ERCC2: variants seen among roughly 807,000 people sequenced by gnomAD.
The protein encoded by ERCC2 is ERCC excision repair 2, TFIIH core complex helicase subunit, also known as general transcription and DNA repair factor IIH helicase subunit XPD.
ERCC2 carries 90 observed loss-of-function variants against 99.4 expected under a neutral mutation model. That is an observed-to-expected ratio of 0.91 (90% CI 0.76 to 1.08). The LOEUF (loss-of-function observed/expected upper bound fraction) is 1.08, where lower values mean the gene tolerates loss of function less well. Ranked by LOEUF, ERCC2 falls within the 50% of genes least tolerant of loss-of-function variation. The probability of loss-of-function intolerance (pLI) is 0.00; values close to 1 mark genes in which losing one functional copy is unlikely to be tolerated. For missense variants in ERCC2, 993 were observed against 1,038.1 expected (o/e 0.96, Z 0.60); for synonymous variants, 497 against 432.4 (o/e 1.15, Z -1.85).
rs529636841 is a variant in ERCC2 at position 45,354,611 on chromosome 19, ACT to A, written c.1665+117_1665+118del. 1.2e-4 allele frequency: 154 copies of A among 1,337,616 alleles called. 1 individual carries two copies. In the South Asian group the frequency reaches 1.7e-3, roughly 15 times the overall value. The allele number at this position is 1,337,616 out of a possible 1,614,324, so 82.9% of individuals were successfully genotyped here. On this transcript the variant is annotated intron_variant, in intron 17 of 22. Coordinates refer to ENST00000391945, the MANE Select transcript of ERCC2 (RefSeq NM_000400.4). ...CACCCCATTCCTACATGCTGCACAC[ACT>A]CTCCTGTCACACAGGAAACCTGTCA...
At chr19:45,358,702 C>A in intron 12 of ERCC2, 2 of 678,168 alleles carry the variant, frequency 2.9e-6, no homozygotes, top group East Asian at 5.5e-5. Flanking sequence ...TCAGCCCCTC[C>A]GAGAGGCCCT....
chr19:45,352,316 G>T lies in ERCC2; in HGVS notation c.2083C>A (p.Arg695Ser), dbSNP rs201392911. The T allele has an allele frequency of 4.3e-6, 7 of 1,613,970 alleles. No individual in the cohort carries two copies. In the African/African-American group the frequency reaches 6.7e-5, roughly 15 times the overall value. ...TCTGTGAGGTGCTCCTGGATCCAGC[G>T]GGGCAGCTTCCCCCGCTTGTCCCCA... The part of the protein sequence containing the change: ...ARGDKRGKLP[R>S]WIQEHLTDAN... Residue 695 changes from arginine (R) to serine (S), a missense_variant, in exon 22 of 23, where the codon CGC becomes AGC. Arg to Ser is a moderately radical substitution (Grantham distance 110). Transcript: ENST00000391945.
Position 45,357,323 on chromosome 19 carries a change from C to CGGGGTGGAAGTCCAGGATCTT in ERCC2, c.1405_1425dup (p.Lys469_Pro475dup), listed in dbSNP as rs759974533. On this transcript the variant is annotated inframe_insertion, in exon 15 of 23. Coordinates refer to ENST00000391945, the MANE Select transcript of ERCC2 (RefSeq NM_000400.4). ...GTCATGGTGAAGGTTGCCATGGTGA[C>CGGGGTGGAAGTCCAGGATCTT]GGGGTGGAAGTCCAGGATCTTGGGG... 3.7e-6 allele frequency: 6 copies of CGGGGTGGAAGTCCAGGATCTT among 1,613,948 alleles called. No individual in the cohort carries two copies. In the African/African-American group the frequency reaches 4.0e-5, roughly 11 times the overall value.
At chr19:45,354,069 C>T (rs1335861073) in intron 17 of ERCC2, among the ~76,000 whole-genome samples, 1 of 152,220 alleles carries the variant, frequency 6.6e-6, no homozygotes, top group East Asian at 1.9e-4. Flanking sequence ...ACGTTCCCGC[C>T]TCCCATGCGT....
At position 45,352,493 on chromosome 19, in the gene ERCC2, C is replaced by G; in HGVS notation, c.2046+13G>C. On this transcript the variant is annotated intron_variant, in intron 21 of 22. Coordinates refer to ENST00000391945, the MANE Select transcript of ERCC2 (RefSeq NM_000400.4). ...CCTGGGATGGGAGCACAGGGGCACC[C>G]CTGAAGCTGCACCTTGTCGGCAAAG... 6.2e-7 allele frequency: 1 copy of G among 1,614,146 alleles called. No individual in the cohort carries two copies.
Position 45,365,110 on chromosome 19 carries a change from G to C in ERCC2, c.409C>G (p.Leu137Val). 6.2e-7 allele frequency: 1 copy of C among 1,614,226 alleles called. No individual in the cohort carries two copies. The change falls in exon 6 of 23, where the codon CTC becomes GTC. Residue 137 changes from leucine (L) to valine (V), a missense_variant. Coordinates refer to ENST00000391945, the MANE Select transcript of ERCC2 (RefSeq NM_000400.4). ...TGCGCCCGCACATAGGAGGCTGTGAGGCTGTGGCATTTCCCATCGACGTCC... is the reference window on the plus strand; with the variant it reads ...TGCGCCCGCACATAGGAGGCTGTGACGCTGTGGCATTTCCCATCGACGTCC... Reference protein sequence around the residue: ...GKDVDGKCHSLTASYVRAQYQ... With the variant: ...GKDVDGKCHSVTASYVRAQYQ...
chr19:45,369,016 T>TC (rs1369655132), intron 3 of ERCC2, 24 bp from the exon 4 acceptor site: 1 of 1,614,042 alleles, frequency 6.2e-7, no homozygotes, highest in South Asian at 1.1e-5. Context: ...GCGGACTCAG[T>TC]CCCTGTCCCG....
chr19:45,353,664 G>A (rs994297127), intron 17 of ERCC2, among the ~76,000 whole-genome samples: 1 of 152,198 alleles, frequency 6.6e-6, no homozygotes, highest in African/African-American at 2.4e-5. Context: ...CTTCCCATAT[G>A]ACACTACAAT....
intron 12 of ERCC2, 108 bp from the exon 13 acceptor site, chr19:45,357,807 G>A (rs770386257): frequency 9.2e-5 from 93 of 1,009,424 alleles, no homozygotes; most frequent in Non-Finnish European, 1.3e-4. Flanking sequence ...TCTCCACCCC[G>A]TACTGCCTGG....
Position 45,351,156 on chromosome 19 carries a change from A to AGAT in ERCC2, c.*470_*472dup. ...CAGAAGAGACCCAGGACAGGAGCAA[A>AGAT]GATGGGTTTTACTTGGGGTAGAGGC... On this transcript the variant is annotated 3_prime_UTR_variant, in exon 23 of 23. Transcript: ENST00000391945. 6.3e-7 allele frequency: 1 copy of AGAT among 1,592,528 alleles called. No individual in the cohort carries two copies. The highest frequency in any genetic ancestry group is 1.7e-5 in the Admixed American group (1 of 58,472).
Position 45,364,213 on chromosome 19 carries a change from C to G in ERCC2, c.815+22G>C, listed in dbSNP as rs570310603. 37 of 1,612,550 alleles carry G rather than the reference C, an allele frequency of 2.3e-5. No homozygotes were observed. The East Asian group carries it at 6.9e-4, about 30-fold the overall frequency. The stretch of plus-strand genomic sequence containing the variant: ...GTCCCAGGGGCAGGGCGGGCACCAC[C>G]GCCAGACGTCCCCGGCCCCACCTGA... On this transcript the variant is annotated intron_variant, in intron 9 of 22. Transcript: ENST00000391945.
At position 45,358,708 on chromosome 19, in the gene ERCC2, G is replaced by A. The variant is rs57264475; in HGVS notation, c.1238-1009C>T. ...GCTCAAAAGTCAGCCCCTCCGAGAG[G>A]CCCTCCCCAGCCACCTTTTCTACGC... On this transcript the variant is annotated intron_variant, in intron 12 of 22. Coordinates refer to ENST00000391945, the MANE Select transcript of ERCC2 (RefSeq NM_000400.4). 346 of 687,722 alleles carry A rather than the reference G, an allele frequency of 5.0e-4. 3 individuals are homozygous for A. The East Asian group carries it at 8.0e-3, about 16-fold the overall frequency. 42.6% of individuals were successfully genotyped at this position (687,722 alleles called of 1,614,324 possible).
Position 45,361,574 on chromosome 19 carries a change from G to A in ERCC2, c.1187C>T (p.Pro396Leu), listed in dbSNP as rs778436682. Reference sequence around the variant, plus strand: ...GGCAAAGTTAGCAAGGAGGGTGAGCGGGGAGAAGTCAGCAAGGTCGGTGAT... The same window carrying A: ...GGCAAAGTTAGCAAGGAGGGTGAGCAGGGAGAAGTCAGCAAGGTCGGTGAT... ...LEITDLADFSPLTLLANFATL... is the reference protein window; with the variant it reads ...LEITDLADFSLLTLLANFATL... The change falls in exon 12 of 23, where the codon CCG becomes CTG. Residue 396 changes from proline (P) to leucine (L), a missense_variant. By Grantham distance (98) the Pro-to-Leu change is moderately conservative. This residue lies in a region of ERCC2 where 909 missense variants were observed against 930.8 expected (regional missense o/e 0.98). Coordinates refer to ENST00000391945, the MANE Select transcript of ERCC2 (RefSeq NM_000400.4). 44 of 1,613,916 alleles carry A rather than the reference G, an allele frequency of 2.7e-5. No individual in the cohort carries two copies. Among genetic ancestry groups the A allele is most frequent in the Admixed American group, 3.3e-5 (2 of 59,994 alleles).
Position 45,351,721 on chromosome 19 carries a change from C to T in ERCC2, c.2191G>A (p.Glu731Lys). 4.3e-6 allele frequency: 7 copies of T among 1,613,770 alleles called. No homozygotes were observed. Among genetic ancestry groups the T allele is most frequent in the Non-Finnish European group, 5.9e-6 (7 of 1,179,972 alleles). ...AGCAGGGACAGGCCCAGCTGATCCT[C>T]CTGCAGAGAACAGAGGAAAGGGAGA... is the stretch of plus-strand genomic sequence containing the variant. The part of the protein sequence containing the change: ...LRQMAQPFHR[E>K]DQLGLSLLSL... The change falls in exon 23 of 23, where the codon GAG (glutamate) becomes AAG (lysine). Residue 731 changes from glutamate (E) to lysine (K), a missense_variant and splice_region_variant. Physicochemically the swap from Glu to Lys is moderately conservative, Grantham distance 56. Transcript: ENST00000391945.
Position 45,364,885 on chromosome 19 carries a change from G to T in ERCC2, c.547C>A (p.Leu183Met). ...GIYNLDDLKA[L>M]GRRQGWCPYF... Reference sequence around the variant, plus strand: ...GGGCACCAGCCCTGGCGCCGCCCCAGGGCCTTCAGGTCATCCAGGTTGTAG... The same window carrying T: ...GGGCACCAGCCCTGGCGCCGCCCCATGGCCTTCAGGTCATCCAGGTTGTAG... The change falls in exon 7 of 23, where the codon CTG becomes ATG. Residue 183 changes from leucine to methionine, a missense_variant. Transcript: ENST00000391945. The T allele has an allele frequency of 6.2e-7, 1 of 1,614,152 alleles. No individual in the cohort carries two copies.
chr19:45,365,930 G>T (rs1055897744), intron 5 of ERCC2, among the ~76,000 whole-genome samples: 1 of 152,132 alleles, frequency 6.6e-6, no homozygotes. Context: ...GACCTCCCAG[G>T]CTCAAGTGAT....
At chr19:45,354,201 A>C (rs958789488) in intron 17 of ERCC2, among the ~76,000 whole-genome samples, 1 of 151,762 alleles carries the variant, frequency 6.6e-6, no homozygotes, top group Non-Finnish European at 1.5e-5. Context: ...CTCCCCTCCC[A>C]CCCATGTCCT....
chr19:45,353,188 C>T lies in ERCC2; in HGVS notation c.1759-33G>A, dbSNP rs530885828. The T allele has an allele frequency of 3.8e-5, 62 of 1,613,158 alleles. No homozygotes were observed. In the South Asian group the frequency reaches 6.3e-4, roughly 16 times the overall value. On this transcript the variant is annotated intron_variant, in intron 18 of 22. Transcript: ENST00000391945. ...GGGGAGACCGAGACGCAAGTTAGGT[C>T]ACTCCTCAGAGCCACCTCCCCGACC... is the stretch of plus-strand genomic sequence containing the variant.
At chr19:45,357,406 C>T in intron 14 of ERCC2, 35 bp from the exon 15 acceptor site, 1 of 1,609,920 alleles carries the variant, frequency 6.2e-7, no homozygotes, top group Non-Finnish European at 8.5e-7. Flanking sequence ...CTCAGCAGGA[C>T]TGGGCAGGGA....
Sources: allele counts gnomAD v4.1 joint callset (sites outside exome capture counted in the v4.1 genomes callset), GRCh38; gene constraint gnomAD v4.1.1; regional missense constraint gnomAD v4.1.1; transcripts MANE v1.5; gene names NCBI Gene and HGNC (gene_info 2026-07-23, HGNC 2026-07-21).